HPCAL1: variants seen among roughly 807,000 people sequenced by gnomAD.
HPCAL1 encodes hippocalcin-like protein 1.
In HPCAL1, 8 loss-of-function variants were observed where a neutral mutation model predicts 17.1. The observed-to-expected ratio is 0.47, with a 90% confidence interval of 0.27 to 0.84. HPCAL1 has a LOEUF of 0.84. Among genes scored for constraint, HPCAL1 ranks in the 40% least tolerant of loss-of-function variants. HPCAL1 has a pLI of 0.13. For synonymous variants in HPCAL1, 112 were observed against 111.4 expected (o/e 1.01, Z -0.03); for missense variants, 165 against 271.1 (o/e 0.61, Z 2.75).
At chr2:10,374,581 G>A (rs771922285) in intron 1 of HPCAL1, among the ~76,000 whole-genome samples, 1 of 152,256 alleles carries the variant, frequency 6.6e-6, no homozygotes, top group Non-Finnish European at 1.5e-5. Flanking sequence ...AGGGCAAGAG[G>A]TGCGGTGGAA....
chr2:10,338,183 G>A (rs1413757158), intron 1 of HPCAL1, among the ~76,000 whole-genome samples: 1 of 152,124 alleles, frequency 6.6e-6, no homozygotes, highest in Non-Finnish European at 1.5e-5. Context: ...GTGGGGAGGA[G>A]GGATGGGAAG....
At chr2:10,392,370 A>G (rs1269443907) in intron 1 of HPCAL1, among the ~76,000 whole-genome samples, 18 of 152,166 alleles carry the variant, frequency 1.2e-4, no homozygotes. Flanking sequence ...ATATTTGTAG[A>G]ATTCAGTAGT....
rs1398637128 is a variant in HPCAL1 at position 10,335,997 on chromosome 2, CATGTTCGTATCCTCTGGT to C, written c.-111+32821_-111+32838del. Reference sequence around the variant, plus strand: ...CATATCCTCTGCTGTAAATTAATTGCATGTTCGTATCCTCTGGTGTAAATTAATTGCATGTTCATATCC... The same window carrying C: ...CATATCCTCTGCTGTAAATTAATTGCGTAAATTAATTGCATGTTCATATCC... On this transcript the variant is annotated intron_variant, in intron 1 of 4. Transcript: ENST00000307845. 9.2e-4 allele frequency among the ~76,000 whole-genome samples: 129 copies of C among 140,302 alleles called. 1 individual carries two copies. Among genetic ancestry groups the C allele is most frequent in the African/African-American group, 3.4e-3 (125 of 36,416 alleles). The allele number at this position is 140,302 out of a possible 152,430, so 92.0% of individuals were successfully genotyped here.
chr2:10,378,721 C>CCGTT (rs1667748126), intron 1 of HPCAL1, among the ~76,000 whole-genome samples: 2 of 152,320 alleles, frequency 1.3e-5, no homozygotes, highest in South Asian at 4.1e-4. Flanking sequence ...GAGGGCACAG[C>CCGTT]CGTTCAGTCC....
At chr2:10,358,914 G>A (rs1280569159) in intron 1 of HPCAL1, among the ~76,000 whole-genome samples, 1 of 152,194 alleles carries the variant, frequency 6.6e-6, no homozygotes, top group Non-Finnish European at 1.5e-5. Context: ...AGCTGCCTAC[G>A]GATGGCAAAC....
At position 10,335,161 on chromosome 2, in the gene HPCAL1, C is replaced by A. The variant is rs557012045; in HGVS notation, c.-111+31984C>A. Reference sequence around the variant, plus strand: ...CACACCCTTGTGTAATCCCTTCCCTCGGGTGTTGGCTGGACTTAACTGACT... The same window carrying A: ...CACACCCTTGTGTAATCCCTTCCCTAGGGTGTTGGCTGGACTTAACTGACT... On this transcript the variant is annotated intron_variant, in intron 1 of 4. Coordinates refer to ENST00000307845, the MANE Select transcript of HPCAL1 (RefSeq NM_002149.4). Among the ~76,000 whole-genome samples, 7 of 152,212 alleles carry A rather than the reference C, an allele frequency of 4.6e-5. No homozygotes were observed. The East Asian group carries it at 1.3e-3, about 29-fold the overall frequency.
In HPCAL1 at chr2:10,342,078, A is replaced by T. The variant is rs1665126062; in HGVS notation, c.-111+38901A>T. Among the ~76,000 whole-genome samples the T allele has an allele frequency of 6.6e-6, 1 of 151,370 alleles. No homozygotes were observed. On this transcript the variant is annotated intron_variant, in intron 1 of 4. Transcript: ENST00000307845. This position sits in a 1 kb window ranked among gnomAD's most constrained non-coding sequence, Gnocchi z 4.1. ...CCAGCTACTTGGGAGGCTAAGTTGG[A>T]AGGATGACTTGAGCCCAGGAGGTTG...
At chr2:10,352,225 C>T (rs1304465727) in intron 1 of HPCAL1, among the ~76,000 whole-genome samples, 1 of 152,132 alleles carries the variant, frequency 6.6e-6, no homozygotes, top group Non-Finnish European at 1.5e-5. Flanking sequence ...GGTGTGTGAA[C>T]CGCAAGTGTT....
chr2:10,400,606 C>T (rs1048832332), intron 2 of HPCAL1, among the ~76,000 whole-genome samples: 2 of 152,150 alleles, frequency 1.3e-5, no homozygotes, highest in African/African-American at 4.8e-5. Context: ...GACAATCCTC[C>T]TGTGTTGTAC....
intron 1 of HPCAL1, among the ~76,000 whole-genome samples, chr2:10,349,763 G>GT (rs1665725220): frequency 8.0e-6 from 1 of 125,476 alleles, no homozygotes; most frequent in Non-Finnish European, 1.6e-5. Flanking sequence ...TGAGCATTTC[G>GT]TTTTGACATA....
chr2:10,383,874 G>A (rs7575136), intron 1 of HPCAL1, among the ~76,000 whole-genome samples: 100,400 of 151,850 alleles, frequency 0.66, 33,921 homozygotes, highest in East Asian at 0.81. Flanking sequence ...ATAAGATGCT[G>A]GTAGGCATGT....
chr2:10,336,716 A>G (rs1034977321), intron 1 of HPCAL1, among the ~76,000 whole-genome samples: 2 of 152,206 alleles, frequency 1.3e-5, no homozygotes, highest in Admixed American at 1.3e-4. Context: ...GGCAGAGGGA[A>G]AAAAGATGGT....
intron 2 of HPCAL1, among the ~76,000 whole-genome samples, chr2:10,400,988 C>G (rs918738736): frequency 6.6e-6 from 1 of 152,208 alleles, no homozygotes; most frequent in African/African-American, 2.4e-5. Flanking sequence ...TGAGCAAGAC[C>G]GGCCTAGCCT....
In HPCAL1 at chr2:10,384,562, G is replaced by T. The variant is rs539365368; in HGVS notation, c.-110-12273G>T. On this transcript the variant is annotated intron_variant, in intron 1 of 4. Transcript: ENST00000307845. The surrounding 1 kb of genome is among the most constrained non-coding windows in gnomAD (Gnocchi z 4.4). Reference sequence around the variant, plus strand: ...ATGCTAATCTGCAAATCCCAGAAAAGTGGAATCTCGGTGGCAGAGTGGATG... The same window carrying T: ...ATGCTAATCTGCAAATCCCAGAAAATTGGAATCTCGGTGGCAGAGTGGATG... 8.0e-4 allele frequency among the ~76,000 whole-genome samples: 122 copies of T among 152,278 alleles called. No homozygotes were observed. The highest frequency in any genetic ancestry group is 3.4e-3 in the Middle Eastern group (1 of 294).
Position 10,342,472 on chromosome 2 carries a change from C to T in HPCAL1, c.-111+39295C>T, listed in dbSNP as rs1433682520. Among the ~76,000 whole-genome samples, 1 of 144,706 alleles carries T rather than the reference C, an allele frequency of 6.9e-6. No homozygotes were observed. The highest frequency in any genetic ancestry group is 1.5e-5 in the Non-Finnish European group (1 of 65,962). The allele number at this position is 144,706 out of a possible 152,430, so 94.9% of individuals were successfully genotyped here. A position where few individuals can be genotyped will look rare whatever the true frequency, so the allele number is the denominator to read the frequency against. The stretch of plus-strand genomic sequence containing the variant: ...CTGAAAGGGAGGCGTGCAGAAACAA[C>T]GTAGCTCCAAGGAGGACTGATCAGC... On this transcript the variant is annotated intron_variant, in intron 1 of 4. Transcript: ENST00000307845. This position sits in a 1 kb window ranked among gnomAD's most constrained non-coding sequence, Gnocchi z 4.1.
rs1306534202 is a variant in HPCAL1 at position 10,331,255 on chromosome 2, C to T, written c.-111+28078C>T. On this transcript the variant is annotated intron_variant, in intron 1 of 4. Coordinates refer to ENST00000307845, the MANE Select transcript of HPCAL1 (RefSeq NM_002149.4). The surrounding 1 kb of genome is among the most constrained non-coding windows in gnomAD (Gnocchi z 5.0). ...GCCACAGGGTGCTGGCTGCCTGTTA[C>T]TCAGCACGTCCGCCTCTCCTGCCTC... Among the ~76,000 whole-genome samples, 2 of 152,140 alleles carry T rather than the reference C, an allele frequency of 1.3e-5. No individual in the cohort carries two copies. The highest frequency in any genetic ancestry group is 1.9e-4 in the East Asian group (1 of 5,182).
chr2:10,403,641 C>T (rs964784001), intron 2 of HPCAL1, among the ~76,000 whole-genome samples: 1 of 152,048 alleles, frequency 6.6e-6, no homozygotes, highest in South Asian at 2.1e-4. Context: ...TGCCATCATG[C>T]CTGGCTAATT....
intron 1 of HPCAL1, among the ~76,000 whole-genome samples, chr2:10,339,202 G>A (rs1299074108): frequency 1.3e-5 from 2 of 152,188 alleles, no homozygotes; most frequent in Admixed American, 1.3e-4. Context: ...ACCCAGACTG[G>A]AGGGCAGTGG....
chr2:10,415,565 C>T (rs905685604), intron 2 of HPCAL1, among the ~76,000 whole-genome samples: 4 of 152,164 alleles, frequency 2.6e-5, no homozygotes, highest in African/African-American at 4.8e-5. Flanking sequence ...AGGCAAGGAC[C>T]GTATGGGTTT....
Sources: gnomAD v4.1 joint callset for allele counts (sites outside exome capture counted in the v4.1 genomes callset) on GRCh38, gnomAD v4.1.1 for gene constraint, Gnocchi (gnomAD v3.1) non-coding constraint, MANE v1.5 for transcripts, NCBI Gene and HGNC (gene_info 2026-07-23, HGNC 2026-07-21) for gene names.